C1QTNF7: variants seen among roughly 807,000 people sequenced by gnomAD.
The protein encoded by C1QTNF7 is C1q and TNF related 7, also known as complement C1q tumor necrosis factor-related protein 7.
In C1QTNF7, 15 loss-of-function variants were observed where a neutral mutation model predicts 19.6. That is an observed-to-expected ratio of 0.76 (90% CI 0.51 to 1.18). The LOEUF (loss-of-function observed/expected upper bound fraction) is 1.18. Ranked by LOEUF, C1QTNF7 falls within the 50% of genes most tolerant of loss-of-function variation. C1QTNF7 has a pLI of 0.00. For missense variants in C1QTNF7, 324 were observed against 359.7 expected, an observed-to-expected ratio of 0.90 and a Z score of 0.80; for synonymous variants, 142 against 137.5, an observed-to-expected ratio of 1.03 and a Z score of -0.23.
intron 1 of C1QTNF7, among the ~76,000 whole-genome samples, chr4:15,371,394 A>G (rs1008305373): frequency 2.0e-5 from 3 of 152,076 alleles, no homozygotes; most frequent in African/African-American, 7.2e-5. Flanking sequence ...TTCTTCTACT[A>G]TTTATTTTCC....
chr4:15,415,638 T>TATATATATATATATATATATATATA (rs1560362493), intron 1 of C1QTNF7, among the ~76,000 whole-genome samples: 1 of 151,210 alleles, frequency 6.6e-6, no homozygotes, highest in African/African-American at 2.4e-5. Flanking sequence ...TATATATATA[T>TATATATATATATATATATATATATA]TAGAGATGGG....
At chr4:15,362,236 A>G (rs991870721) in intron 1 of C1QTNF7, among the ~76,000 whole-genome samples, 1 of 152,078 alleles carries the variant, frequency 6.6e-6, no homozygotes, top group Admixed American at 6.5e-5. Context: ...ATGTATAAAG[A>G]GCTGACCTGG....
chr4:15,429,921 T>C (rs888485726), intron 1 of C1QTNF7, among the ~76,000 whole-genome samples: 1 of 152,174 alleles, frequency 6.6e-6, no homozygotes, highest in African/African-American at 2.4e-5. Context: ...AAGAAAAAAA[T>C]ATACTTGGAG....
At chr4:15,437,697 G>A (rs1042065525) in intron 2 of C1QTNF7, among the ~76,000 whole-genome samples, 1 of 152,050 alleles carries the variant, frequency 6.6e-6, no homozygotes, top group Admixed American at 6.5e-5. Flanking sequence ...TAATATTTCT[G>A]TGCACCTATT....
At chr4:15,354,885 G>T (rs183880267) in intron 1 of C1QTNF7, among the ~76,000 whole-genome samples, 1 of 152,066 alleles carries the variant, frequency 6.6e-6, no homozygotes, top group Non-Finnish European at 1.5e-5. Context: ...ATACTTTAAG[G>T]ATAATTTTCT....
chr4:15,354,057 T>C (rs1220365477), intron 1 of C1QTNF7, among the ~76,000 whole-genome samples: 2 of 152,068 alleles, frequency 1.3e-5, no homozygotes, highest in African/African-American at 4.8e-5. Context: ...AAGGCTGCTG[T>C]GTGGAAGGCT....
rs183423400 is a variant in C1QTNF7 at position 15,392,585 on chromosome 4, C to T, written c.14-43151C>T. On this transcript the variant is annotated intron_variant, in intron 1 of 2. Transcript: ENST00000295297. ...CAGCCTCTCCAGGGAGGACCTGGTA[C>T]AGCCCAACTTCCTCACTTCTCTTTG... is the stretch of plus-strand genomic sequence containing the variant. Among the ~76,000 whole-genome samples, 333 of 152,350 alleles carry T rather than the reference C, an allele frequency of 2.2e-3. 1 individual carries two copies. Among genetic ancestry groups the T allele is most frequent in the African/African-American group, 7.3e-3 (303 of 41,592 alleles).
At chr4:15,395,358 A>G (rs1400694700) in intron 1 of C1QTNF7, among the ~76,000 whole-genome samples, 1 of 152,222 alleles carries the variant, frequency 6.6e-6, no homozygotes, top group African/African-American at 2.4e-5. Flanking sequence ...GCATTTAAAA[A>G]AAGAGTGCTC....
chr4:15,425,897 GC>G (rs1359707288), upstream of C1QTNF7, among the ~76,000 whole-genome samples: 3 of 152,050 alleles, frequency 2.0e-5, no homozygotes. Context: ...GCTTATACCT[GC>G]CAGCAAGTGC....
intron 1 of C1QTNF7, among the ~76,000 whole-genome samples, chr4:15,431,832 T>C (rs958709002): frequency 3.3e-5 from 5 of 152,090 alleles, no homozygotes; most frequent in Non-Finnish European, 7.4e-5. Flanking sequence ...AGGAAAAATA[T>C]AGATATAAAA....
intron 2 of C1QTNF7, 44 bp downstream of exon 2, chr4:15,436,025 C>T (rs1245231496): frequency 2.5e-6 from 4 of 1,573,570 alleles, no homozygotes; most frequent in Non-Finnish European, 3.4e-6. Flanking sequence ...TTCACCCCCA[C>T]CTTAAAACTG....
chr4:15,373,449 C>G (rs4326010), intron 1 of C1QTNF7, among the ~76,000 whole-genome samples: 35,514 of 152,166 alleles, frequency 0.23, 4,568 homozygotes, highest in East Asian at 0.29. Flanking sequence ...ACCATGGCAA[C>G]TACTTTATAG....
Position 15,341,914 on chromosome 4 carries a change from G to A in C1QTNF7, c.13+1707G>A, listed in dbSNP as rs576434920. On this transcript the variant is annotated intron_variant, in intron 1 of 2. Coordinates refer to the C1QTNF7 transcript ENST00000295297. Reference sequence around the variant, plus strand: ...CGTGACTGCTGAGAAGCCGGAGCGCGAACTTCCTCACGGGCTCCAATGGAG... The same window carrying A: ...CGTGACTGCTGAGAAGCCGGAGCGCAAACTTCCTCACGGGCTCCAATGGAG... Among the ~76,000 whole-genome samples, 9 of 152,344 alleles carry A rather than the reference G, an allele frequency of 5.9e-5. No homozygotes were observed. In the East Asian group the frequency reaches 1.5e-3, roughly 26 times the overall value.
At chr4:15,355,522 G>A (rs1389759856) in intron 1 of C1QTNF7, among the ~76,000 whole-genome samples, 1 of 152,026 alleles carries the variant, frequency 6.6e-6, no homozygotes, top group Non-Finnish European at 1.5e-5. Context: ...CCACTGGAGA[G>A]GTGGCTCAGA....
At chr4:15,376,523 A>T (rs1482272709) in intron 1 of C1QTNF7, among the ~76,000 whole-genome samples, 1 of 152,242 alleles carries the variant, frequency 6.6e-6, no homozygotes, top group East Asian at 1.9e-4. Flanking sequence ...AATAGAGCTC[A>T]TAACAGCAGG....
chr4:15,349,706 C>A (rs1404696145), intron 1 of C1QTNF7, among the ~76,000 whole-genome samples: 1 of 152,162 alleles, frequency 6.6e-6, no homozygotes, highest in Non-Finnish European at 1.5e-5. Context: ...AATTCCTTTT[C>A]TTTTCCTTGA....
rs76408808 is a variant in C1QTNF7 at position 15,429,136 on chromosome 4, G to T, written c.-9+1030G>T. Among the ~76,000 whole-genome samples the T allele has an allele frequency of 2.6e-3, 402 of 152,264 alleles. 2 individuals carry two copies. The highest frequency in any genetic ancestry group is 9.1e-3 in the African/African-American group (378 of 41,548). ...CAAGTGGTGTGAGGATAAAGTAAAA[G>T]ATGTCCTTAAAACACCTGGCACAGA... On this transcript the variant is annotated intron_variant, in intron 1 of 2. Coordinates refer to ENST00000444304, the MANE Select transcript of C1QTNF7 (RefSeq NM_031911.5).
chr4:15,443,021 CA>C lies in C1QTNF7; in HGVS notation c.*224del. On this transcript the variant is annotated 3_prime_UTR_variant, in exon 3 of 3. Coordinates refer to ENST00000444304, the MANE Select transcript of C1QTNF7 (RefSeq NM_031911.5). ...CCCCAGATATAAATTCTCTTGAAAG[CA>C]ATGTTCATAAATATTTAAGCAAATT... 2.6e-6 allele frequency: 1 copy of C among 390,082 alleles called. No individual in the cohort carries two copies. Among genetic ancestry groups the C allele is most frequent in the Non-Finnish European group, 4.5e-6 (1 of 224,354 alleles). 24.2% of individuals were successfully genotyped at this position (390,082 alleles called of 1,614,324 possible). A position where few individuals can be genotyped will look rare whatever the true frequency, so the allele number is the denominator to read the frequency against.
intron 1 of C1QTNF7, among the ~76,000 whole-genome samples, chr4:15,347,255 C>T (rs1187409120): frequency 6.6e-6 from 1 of 152,196 alleles, no homozygotes; most frequent in African/African-American, 2.4e-5. Flanking sequence ...CCAGCAGCAG[C>T]AAAACACTCA....
Sources: allele counts gnomAD v4.1 joint callset (sites outside exome capture counted in the v4.1 genomes callset), GRCh38; gene constraint gnomAD v4.1.1; transcripts MANE v1.5; gene names NCBI Gene and HGNC (gene_info 2026-07-23, HGNC 2026-07-21).